Variants in WDR45 observed in about 807,000 individuals in gnomAD.
WDR45 encodes WD repeat domain phosphoinositide-interacting protein 4.
WDR45 carries 2 observed loss-of-function variants against 27.3 expected under a neutral mutation model. That is an observed-to-expected ratio of 0.07 (90% CI 0.03 to 0.23). WDR45 has a LOEUF of 0.23. Ranked by LOEUF, WDR45 falls within the 10% of genes least tolerant of loss-of-function variation. WDR45 has a pLI of 1.00. For missense variants in WDR45, 175 were observed against 311.9 expected (o/e 0.56, Z 3.31); for synonymous variants, 99 against 119.2 (o/e 0.83, Z 1.11).
chrX:49,084,926 C>T (rs1055935859), intron 2 of WDR45, among the ~76,000 whole-genome samples: 6 of 111,742 alleles, frequency 5.4e-5, no homozygotes, highest in Non-Finnish European at 7.5e-5. Flanking sequence ...TGAGCCACCG[C>T]GCCCGGCTGA....
chrX:49,088,671 A>G (rs1220445506), intron 2 of WDR45, among the ~76,000 whole-genome samples: 2 of 112,166 alleles, frequency 1.8e-5, no homozygotes, highest in Non-Finnish European at 3.8e-5. Flanking sequence ...GCCACACACA[A>G]CAAAGAATAC....
At chrX:49,088,359 A>G (rs1455168270) in intron 2 of WDR45, among the ~76,000 whole-genome samples, 1 of 111,709 alleles carries the variant, frequency 9.0e-6, no homozygotes, top group Non-Finnish European at 1.9e-5. Flanking sequence ...GTGAGCTGAC[A>G]TCACACCATT....
intron 2 of WDR45, among the ~76,000 whole-genome samples, chrX:49,095,016 G>C (rs1557087095): frequency 9.2e-6 from 1 of 109,182 alleles, no homozygotes; most frequent in Non-Finnish European, 1.9e-5. Context: ...TCAAACTCCC[G>C]ACCTCAGGTG....
At chrX:49,074,939 C>T (rs371114764) in intron 10 of WDR45, 27 bp from the exon 11 acceptor site, 121 of 1,151,815 alleles carry the variant, frequency 1.1e-4, no homozygotes, top group Non-Finnish European at 1.3e-4. Context: ...GGTAAAAGGT[C>T]AGAGGCTGCC....
At position 49,075,370 on chromosome X, in the gene WDR45, CGGCGGTTGA is replaced by C; in HGVS notation, c.812_820del (p.Leu271_Arg273del). On this transcript the variant is annotated inframe_deletion, in exon 9 of 11. Coordinates refer to ENST00000376372, the MANE Select transcript of WDR45 (RefSeq NM_001029896.2). The stretch of plus-strand genomic sequence containing the variant: ...GTGGGGAGGGGGTACTCACGCGGAG[CGGCGGTTGA>C]GGCGGGTATCCTTGAGAGCAAAGAT... The C allele has an allele frequency of 8.3e-7, 1 of 1,206,762 alleles. No individual in the cohort carries two copies.
Position 49,076,735 on chromosome X carries a change from T to C in WDR45, c.251A>G (p.Asp84Gly). Residue 84 changes from aspartate to glycine, a missense_variant, in exon 5 of 11, where the codon GAT (aspartate) becomes GGT (glycine). Transcript: ENST00000376372. ...FSEISVLIWDDAREGKDSKEK... is the reference protein window; with the variant it reads ...FSEISVLIWDGAREGKDSKEK... ...CTTGGAGTCCTTGCCCTCCCGGGCATCGTCCCAGATCAGCACTGCTGGGCA... is the reference window on the plus strand; with the variant it reads ...CTTGGAGTCCTTGCCCTCCCGGGCACCGTCCCAGATCAGCACTGCTGGGCA... 1 of 1,204,750 alleles carries C rather than the reference T, an allele frequency of 8.3e-7. No homozygotes were observed. Among genetic ancestry groups the C allele is most frequent in the Non-Finnish European group, 1.1e-6 (1 of 891,552 alleles).
At chrX:49,076,375 C>A in intron 6 of WDR45, 55 bp downstream of exon 6, 2 of 1,151,775 alleles carry the variant, frequency 1.7e-6, no homozygotes, top group Non-Finnish European at 2.4e-6. Context: ...ATCTCTGCCC[C>A]TCTGCCCCAT....
Position 49,077,867 on chromosome X carries a change from C to T in WDR45, c.100G>A (p.Val34Met), listed in dbSNP as rs151051355. The change falls in exon 3 of 11, where the codon GTG (valine) becomes ATG (methionine). Residue 34 changes from valine (V) to methionine (M), a missense_variant. Coordinates refer to ENST00000376372, the MANE Select transcript of WDR45 (RefSeq NM_001029896.2). ...TGCCCCTTCTCCATCAAGGGCTCCACGTTGTAGATGCGCACACCTGTCTCC... is the reference window on the plus strand; with the variant it reads ...TGCCCCTTCTCCATCAAGGGCTCCATGTTGTAGATGCGCACACCTGTCTCC... The part of the protein sequence containing the change: ...AMETGVRIYN[V>M]EPLMEKGHLD... The T allele has an allele frequency of 1.2e-4, 143 of 1,210,586 alleles. No individual in the cohort carries two copies. Among genetic ancestry groups the T allele is most frequent in the Middle Eastern group, 2.3e-4 (1 of 4,376 alleles).
chrX:49,087,596 T>G (rs781901039), intron 2 of WDR45, among the ~76,000 whole-genome samples: 6 of 112,278 alleles, frequency 5.3e-5, no homozygotes, highest in Non-Finnish European at 9.4e-5. Flanking sequence ...GTTCTAGGAC[T>G]AAGACGTGGG....
chrX:49,096,017 C>T (rs1226633522), intron 2 of WDR45, among the ~76,000 whole-genome samples: 1 of 107,286 alleles, frequency 9.3e-6, no homozygotes, highest in African/African-American at 3.4e-5. Context: ...GATCCACCCA[C>T]CTCGGCCTCC....
intron 2 of WDR45, among the ~76,000 whole-genome samples, chrX:49,087,365 G>GA (rs1181979678): frequency 3.8e-5 from 4 of 105,703 alleles, no homozygotes; most frequent in African/African-American, 1.4e-4. Flanking sequence ...TCTCAAAAAA[G>GA]AAAAAAAATT....
chrX:49,074,799 G>A lies in WDR45; in HGVS notation c.*4C>T. On this transcript the variant is annotated 3_prime_UTR_variant, in exon 11 of 11. Coordinates refer to ENST00000376372, the MANE Select transcript of WDR45 (RefSeq NM_001029896.2). The stretch of plus-strand genomic sequence containing the variant: ...GCAGGTCCCTAGCACAGCCCCCAGG[G>A]TCCTTAAAAGTCATCATCATCACAG... 1.7e-6 allele frequency: 2 copies of A among 1,201,484 alleles called. No homozygotes were observed. Among genetic ancestry groups the A allele is most frequent in the South Asian group, 3.5e-5 (2 of 56,742 alleles).
chrX:49,092,295 T>C (rs1557086792), intron 2 of WDR45, among the ~76,000 whole-genome samples: 1 of 108,979 alleles, frequency 9.2e-6, no homozygotes, highest in African/African-American at 3.3e-5. Context: ...TGAGGAAACT[T>C]GGAGATGATG....
At chrX:49,080,205 C>G (rs958204681), upstream of WDR45, 1 of 112,351 alleles carries the variant, frequency 8.9e-6, no homozygotes, top group East Asian at 2.8e-4. Flanking sequence ...GTAAACCTTC[C>G]CTGCTAACAA....
chrX:49,080,601 C>A (rs1270178581), upstream of WDR45, among the ~76,000 whole-genome samples: 1 of 110,125 alleles, frequency 9.1e-6, no homozygotes, highest in East Asian at 2.9e-4. Flanking sequence ...CGCCACCACG[C>A]CCATCTAATT....
upstream of WDR45, among the ~76,000 whole-genome samples, chrX:49,084,542 CTCAG>C (rs2065080278): frequency 9.1e-6 from 1 of 110,180 alleles, no homozygotes; most frequent in Non-Finnish European, 1.9e-5. Context: ...GTCATGCACT[CTCAG>C]TCAAAGTGGA....
At chrX:49,082,165 CTG>C (rs1557085264), upstream of WDR45, 1 of 110,101 alleles carries the variant, frequency 9.1e-6, no homozygotes, top group African/African-American at 3.3e-5. Context: ...TCTATGAAGA[CTG>C]AATATTAAAG....
intron 2 of WDR45, among the ~76,000 whole-genome samples, chrX:49,096,872 G>A (rs2065127301): frequency 3.6e-5 from 4 of 112,207 alleles, no homozygotes. Context: ...TCCTGCCTCA[G>A]CCTCTCAAGT....
intron 2 of WDR45, among the ~76,000 whole-genome samples, chrX:49,099,018 ACT>A (rs1458841203): frequency 2.7e-5 from 3 of 111,433 alleles, no homozygotes; most frequent in Non-Finnish European, 5.7e-5. Flanking sequence ...AAAGCCAGCC[ACT>A]CTCAGAAACA....
Sources: allele counts gnomAD v4.1 joint callset (sites outside exome capture counted in the v4.1 genomes callset), GRCh38; gene constraint gnomAD v4.1.1; transcripts MANE v1.5; gene names NCBI Gene and HGNC (gene_info 2026-07-23, HGNC 2026-07-21).